TIPARP: variants seen among roughly 807,000 people sequenced by gnomAD.
TIPARP encodes protein mono-ADP-ribosyltransferase TIPARP.
A neutral mutation model predicts 56.5 loss-of-function variants in TIPARP; 12 were observed. The ratio of observed to expected loss-of-function variants is 0.21; its 90% confidence interval spans 0.14 to 0.34. The LOEUF (loss-of-function observed/expected upper bound fraction) is 0.34. TIPARP is among the 10% of genes least tolerant of loss of function. The pLI, the probability that TIPARP is intolerant of heterozygous loss-of-function variation, is 1.00. For synonymous variants in TIPARP, 296 were observed against 265.7 expected, an observed-to-expected ratio of 1.11 and a Z score of -1.11; for missense variants, 604 against 781.6, an observed-to-expected ratio of 0.77 and a Z score of 2.71.
At chr3:156,685,319 C>T (rs2108489764) in intron 2 of TIPARP, among the ~76,000 whole-genome samples, 1 of 152,284 alleles carries the variant, frequency 6.6e-6, no homozygotes, top group Middle Eastern at 3.4e-3. Context: ...CTGGTAACAC[C>T]CACTTGACAA....
At chr3:156,697,202 G>A (rs1722735351) in intron 4 of TIPARP, among the ~76,000 whole-genome samples, 1 of 152,162 alleles carries the variant, frequency 6.6e-6, no homozygotes, top group South Asian at 2.1e-4. Flanking sequence ...AGCACAGCTG[G>A]AGATAGTGTC....
rs370232193 is a variant in TIPARP at position 156,705,141 on chromosome 3, G to A, written c.*10G>A. ...CACTGTTTCCATTTGAAAAATCTTG[G>A]TACTGCTAAATTATTTGATATGAAC... On this transcript the variant is annotated 3_prime_UTR_variant, in exon 6 of 6. Transcript: ENST00000295924. The A allele has an allele frequency of 5.3e-5, 70 of 1,315,186 alleles. No homozygotes were observed. In the African/African-American group the frequency reaches 1.0e-3, roughly 19 times the overall value. The allele number at this position is 1,315,186 out of a possible 1,614,324, so 81.5% of individuals were successfully genotyped here. A position where few individuals can be genotyped will look rare whatever the true frequency, so the allele number is the denominator to read the frequency against.
At chr3:156,703,347 C>A in intron 4 of TIPARP, 77 bp from the exon 5 acceptor site, 17 of 1,419,186 alleles carry the variant, frequency 1.2e-5, no homozygotes, top group Non-Finnish European at 1.6e-5. Flanking sequence ...TAAGTAGACA[C>A]TGATATAGAT....
chr3:156,696,160 G>T, intron 4 of TIPARP, 135 bp downstream of exon 4: 5 of 881,786 alleles, frequency 5.7e-6, no homozygotes, highest in Admixed American at 3.6e-5. Context: ...ATTAGTCTTT[G>T]GATTTTAATT....
At chr3:156,693,496 T>A (rs1722631023) in intron 2 of TIPARP, among the ~76,000 whole-genome samples, 1 of 152,178 alleles carries the variant, frequency 6.6e-6, no homozygotes, top group Non-Finnish European at 1.5e-5. Flanking sequence ...ATAATATTGA[T>A]GTTGGGTGGA....
chr3:156,688,372 C>CAAAAAAAAAAAAAAAAAAAAAAACAAA, intron 2 of TIPARP, among the ~76,000 whole-genome samples: 1 of 83,846 alleles, frequency 1.2e-5, no homozygotes, highest in Non-Finnish European at 2.3e-5. Flanking sequence ...GACCCTATCT[C>CAAAAAAAAAAAAAAAAAAAAAAACAAA]AAAAAAAAAA....
chr3:156,694,490 T>G (rs1300452261), intron 3 of TIPARP, among the ~76,000 whole-genome samples: 1 of 152,172 alleles, frequency 6.6e-6, no homozygotes, highest in African/African-American at 2.4e-5. Context: ...GCCTGTGGAG[T>G]AATTTTCACG....
chr3:156,676,450 G>T (rs930215854), intron 1 of TIPARP, among the ~76,000 whole-genome samples: 15 of 152,008 alleles, frequency 9.9e-5, no homozygotes, highest in Admixed American at 2.6e-4. Context: ...ACCTTTTGTT[G>T]TTGACCCACA....
At chr3:156,676,001 C>T (rs1302517452) in intron 1 of TIPARP, among the ~76,000 whole-genome samples, 1 of 152,136 alleles carries the variant, frequency 6.6e-6, no homozygotes. Context: ...CGTGTGTACG[C>T]GCAGACACAC....
Position 156,706,507 on chromosome 3 carries a change from T to A in TIPARP, c.*1376T>A, listed in dbSNP as rs1420488753. 1 of 152,650 alleles carries A rather than the reference T, an allele frequency of 6.6e-6. No homozygotes were observed. Among genetic ancestry groups the A allele is most frequent in the African/African-American group, 2.4e-5 (1 of 41,460 alleles). 9.5% of individuals were successfully genotyped at this position (152,650 alleles called of 1,614,324 possible). ...AGCACTTATCAGGGCTTCCACACAC[T>A]TATTTATTTTGCCCTAGTTAATCCT... On this transcript the variant is annotated 3_prime_UTR_variant, in exon 6 of 6. Transcript: ENST00000295924.
intron 3 of TIPARP, 44 bp from the exon 4 acceptor site, chr3:156,695,821 C>G: frequency 1.6e-6 from 2 of 1,286,236 alleles, no homozygotes; most frequent in South Asian, 1.6e-5. Context: ...TGATTATTAA[C>G]TTTCCTTTTT....
chr3:156,694,763 C>T (rs1051420174), intron 3 of TIPARP, among the ~76,000 whole-genome samples: 4 of 152,188 alleles, frequency 2.6e-5, no homozygotes, highest in African/African-American at 9.6e-5. Context: ...TGATGGTTTA[C>T]TTTGCTTCTG....
chr3:156,690,869 C>T (rs1249708089), intron 2 of TIPARP, among the ~76,000 whole-genome samples: 1 of 152,100 alleles, frequency 6.6e-6, no homozygotes, highest in Non-Finnish European at 1.5e-5. Flanking sequence ...AGAGACACCC[C>T]CAATCTCTAG....
At chr3:156,704,452 CTT>C (rs1722929844) in intron 5 of TIPARP, among the ~76,000 whole-genome samples, 1 of 152,128 alleles carries the variant, frequency 6.6e-6, no homozygotes, top group African/African-American at 2.4e-5. Context: ...TAGGAGAACT[CTT>C]AATAGATTTA....
rs1174954439 is a variant in TIPARP, at chr3:156,706,675, T to C, written c.*1544T>C. Reference sequence around the variant, plus strand: ...GCTTATTTGGTTTTATGAGACTTGTTCCTTTTTTTCTCCCTAAGGAAAAAG... The same window carrying C: ...GCTTATTTGGTTTTATGAGACTTGTCCCTTTTTTTCTCCCTAAGGAAAAAG... On this transcript the variant is annotated 3_prime_UTR_variant, in exon 6 of 6. Transcript: ENST00000295924. 1.4e-4 allele frequency: 21 copies of C among 152,546 alleles called. No homozygotes were observed. The highest frequency in any genetic ancestry group is 1.4e-3 in the Admixed American group (21 of 15,270). 9.4% of individuals were successfully genotyped at this position (152,546 alleles called of 1,614,324 possible). A position where few individuals can be genotyped will look rare whatever the true frequency, so the allele number is the denominator to read the frequency against.
At chr3:156,691,985 T>C (rs1722587469) in intron 2 of TIPARP, among the ~76,000 whole-genome samples, 1 of 152,170 alleles carries the variant, frequency 6.6e-6, no homozygotes, top group Non-Finnish European at 1.5e-5. Context: ...GAAGTCTCAG[T>C]AATACAGGCT....
Position 156,677,795 on chromosome 3 carries a change from T to C in TIPARP, c.98T>C (p.Ile33Thr), listed in dbSNP as rs1196989993. ...TGCCAAATGAGACTCTCTGAGAAGATCACTCCATTGAAGACTTGTTTTAAG... is the reference window on the plus strand; with the variant it reads ...TGCCAAATGAGACTCTCTGAGAAGACCACTCCATTGAAGACTTGTTTTAAG... ...FSCQMRLSEKITPLKTCFKKK... is the reference protein window; with the variant it reads ...FSCQMRLSEKTTPLKTCFKKK... Residue 33 changes from isoleucine to threonine, a missense_variant, in exon 2 of 6, where the codon ATC becomes ACC. Physicochemically the swap from Ile to Thr is moderately conservative, Grantham distance 89. Transcript: ENST00000295924. The C allele has an allele frequency of 6.2e-7, 1 of 1,614,132 alleles. No individual in the cohort carries two copies. Among genetic ancestry groups the C allele is most frequent in the African/African-American group, 1.3e-5 (1 of 75,010 alleles).
chr3:156,694,538 C>T (rs1292919351), intron 3 of TIPARP, among the ~76,000 whole-genome samples: 2 of 152,150 alleles, frequency 1.3e-5, no homozygotes, highest in Non-Finnish European at 2.9e-5. Flanking sequence ...ATATCTGGCT[C>T]TTGGGCTTAT....
In TIPARP at chr3:156,703,577, T is replaced by TTATCC; in HGVS notation, c.1402_1403insATCCT (p.Ser468TyrfsTer31). 6.2e-7 allele frequency: 1 copy of TTATCC among 1,614,248 alleles called. No individual in the cohort carries two copies. Among genetic ancestry groups the TTATCC allele is most frequent in the Non-Finnish European group, 8.5e-7 (1 of 1,180,048 alleles). ...CTCAGGACTTCATCCAAGTCCCTGT[T>TTATCC]TCTGCAGAGGATAAAAGTTATCGGA... On this transcript the variant is annotated frameshift_variant, in exon 5 of 6. Coordinates refer to ENST00000295924, the MANE Select transcript of TIPARP (RefSeq NM_015508.5). LOFTEE classifies it high-confidence loss of function.
Sources: allele counts gnomAD v4.1 joint callset (sites outside exome capture counted in the v4.1 genomes callset), GRCh38; gene constraint gnomAD v4.1.1; transcripts MANE v1.5; gene names NCBI Gene and HGNC (gene_info 2026-07-23, HGNC 2026-07-21).